The following IGF2BP2 variants were observed in gnomAD, a reference collection of about 807,000 sequenced individuals.
IGF2BP2 encodes insulin like growth factor 2 mRNA binding protein 2, also known as insulin-like growth factor 2 mRNA-binding protein 2.
IGF2BP2 carries 17 observed loss-of-function variants against 75.8 expected under a neutral mutation model. That is an observed-to-expected ratio of 0.22 (90% CI 0.15 to 0.34). IGF2BP2 has a LOEUF of 0.34. Among genes scored for constraint, IGF2BP2 ranks in the 10% least tolerant of loss-of-function variants. The probability of loss-of-function intolerance (pLI) is 1.00; values close to 1 mark genes in which losing one functional copy is unlikely to be tolerated. For synonymous variants in IGF2BP2, 288 were observed against 295.6 expected, an observed-to-expected ratio of 0.97 and a Z score of 0.26; for missense variants, 516 against 772.4, an observed-to-expected ratio of 0.67 and a Z score of 3.93.
In IGF2BP2 at chr3:185,670,447, T is replaced by C. The variant is rs531337901; in HGVS notation, c.1200+2094A>G. Among the ~76,000 whole-genome samples, 111 of 152,300 alleles carry C rather than the reference T, an allele frequency of 7.3e-4. 1 individual carries two copies. The highest frequency in any genetic ancestry group is 4.2e-3 in the Admixed American group (64 of 15,304). On this transcript the variant is annotated intron_variant, in intron 10 of 15. Coordinates refer to ENST00000382199, the MANE Select transcript of IGF2BP2 (RefSeq NM_006548.6). The stretch of plus-strand genomic sequence containing the variant: ...AGGGGGAAAGCAGGAATAGATAATA[T>C]GTATATAAACAGCCATGGCTGTGTC...
chr3:185,720,933 C>T (rs144575384), intron 2 of IGF2BP2, among the ~76,000 whole-genome samples: 2 of 152,270 alleles, frequency 1.3e-5, no homozygotes, highest in African/African-American at 4.8e-5. Context: ...CACAGGGAAA[C>T]GTCCTTCAAG....
chr3:185,655,704 C>T (rs773598608), intron 12 of IGF2BP2, among the ~76,000 whole-genome samples: 6 of 152,186 alleles, frequency 3.9e-5, no homozygotes, highest in African/African-American at 7.2e-5. Context: ...GCAGCCCATG[C>T]GACTGATCTC....
chr3:185,788,971 C>A (rs1736260412), intron 2 of IGF2BP2, among the ~76,000 whole-genome samples: 1 of 152,092 alleles, frequency 6.6e-6, no homozygotes. Context: ...CCTTTGCTTC[C>A]CAAAGTGCTG....
intron 2 of IGF2BP2, among the ~76,000 whole-genome samples, chr3:185,740,950 T>A (rs1019614901): frequency 1.3e-5 from 2 of 152,264 alleles, no homozygotes; most frequent in African/African-American, 4.8e-5. Context: ...CGATCTCGGC[T>A]CACTGCAACC....
At chr3:185,701,753 T>A (rs1297905681) in intron 2 of IGF2BP2, among the ~76,000 whole-genome samples, 1 of 152,154 alleles carries the variant, frequency 6.6e-6, no homozygotes, top group Non-Finnish European at 1.5e-5. Context: ...CAGATCAGGA[T>A]GGAAAGGAAG....
intron 2 of IGF2BP2, among the ~76,000 whole-genome samples, chr3:185,782,206 A>G (rs915147242): frequency 1.3e-5 from 2 of 152,192 alleles, no homozygotes; most frequent in African/African-American, 4.8e-5. Context: ...TCTTTGTGCC[A>G]GGAACTTAAT....
rs1166577608 is a variant in IGF2BP2, at chr3:185,732,069, C to G, written c.240-33722G>C. Among the ~76,000 whole-genome samples the G allele has an allele frequency of 3.9e-5, 6 of 152,176 alleles. No individual in the cohort carries two copies. In the East Asian group the frequency reaches 1.2e-3, roughly 29 times the overall value. Reference sequence around the variant, plus strand: ...TAGTCTTGTGCACTCGTTGTTCTCTCTGGTCCATCTGGGAAACTCCAACCC... The same window carrying G: ...TAGTCTTGTGCACTCGTTGTTCTCTGTGGTCCATCTGGGAAACTCCAACCC... On this transcript the variant is annotated intron_variant, in intron 2 of 15. Coordinates refer to ENST00000382199, the MANE Select transcript of IGF2BP2 (RefSeq NM_006548.6).
At chr3:185,810,043 C>A (rs569894218) in intron 2 of IGF2BP2, among the ~76,000 whole-genome samples, 109 of 152,334 alleles carry the variant, frequency 7.2e-4, no homozygotes, top group African/African-American at 2.5e-3. Context: ...AATTCCCAGG[C>A]TCCTGTGTGC....
intron 2 of IGF2BP2, among the ~76,000 whole-genome samples, chr3:185,758,526 C>T (rs554260469): frequency 1.3e-5 from 2 of 152,236 alleles, no homozygotes; most frequent in South Asian, 2.1e-4. Context: ...GTACATGGCA[C>T]GGAGTAGATG....
intron 2 of IGF2BP2, among the ~76,000 whole-genome samples, chr3:185,699,321 T>C (rs1338039759): frequency 2.6e-5 from 4 of 152,150 alleles, no homozygotes; most frequent in African/African-American, 9.7e-5. Flanking sequence ...TCAAAATATA[T>C]TGGCCTGCAA....
At chr3:185,798,201 GA>G (rs977786663) in intron 2 of IGF2BP2, among the ~76,000 whole-genome samples, 2 of 151,126 alleles carry the variant, frequency 1.3e-5, no homozygotes, top group South Asian at 2.1e-4. Context: ...TGCCTCAAGA[GA>G]AAAAAAAATT....
At chr3:185,704,657 C>G (rs1193006089) in intron 2 of IGF2BP2, among the ~76,000 whole-genome samples, 1 of 152,126 alleles carries the variant, frequency 6.6e-6, no homozygotes, top group Non-Finnish European at 1.5e-5. Context: ...GACATATTGC[C>G]TAGGCTGGTT....
At chr3:185,711,577 C>T (rs1724802358) in intron 2 of IGF2BP2, among the ~76,000 whole-genome samples, 1 of 152,210 alleles carries the variant, frequency 6.6e-6, no homozygotes, top group South Asian at 2.1e-4. Flanking sequence ...CAGGCTCCAG[C>T]AGGACCCACC....
chr3:185,645,714 G>T lies in IGF2BP2; in HGVS notation c.1708-91C>A. Reference sequence around the variant, plus strand: ...ACGGCAGGGGAGGCTCTGGGGCTTGGGGATGAAGGGTGGAATGCTCAGACA... The same window carrying T: ...ACGGCAGGGGAGGCTCTGGGGCTTGTGGATGAAGGGTGGAATGCTCAGACA... On this transcript the variant is annotated intron_variant, in intron 15 of 15. Coordinates refer to ENST00000382199, the MANE Select transcript of IGF2BP2 (RefSeq NM_006548.6). The surrounding 1 kb of genome is among the most constrained non-coding windows in gnomAD (Gnocchi z 4.9). 1.1e-6 allele frequency: 1 copy of T among 895,196 alleles called. No homozygotes were observed. The highest frequency in any genetic ancestry group is 1.9e-5 in the Admixed American group (1 of 53,076). The allele number at this position is 895,196 out of a possible 1,614,324, so 55.5% of individuals were successfully genotyped here. A position where few individuals can be genotyped will look rare whatever the true frequency, so the allele number is the denominator to read the frequency against.
intron 2 of IGF2BP2, among the ~76,000 whole-genome samples, chr3:185,822,047 G>T (rs1450416382): frequency 6.6e-6 from 1 of 151,562 alleles, no homozygotes; most frequent in East Asian, 1.9e-4. Context: ...ATGCCACAGA[G>T]ATTATTTGCA....
chr3:185,822,821 TTGC>T (rs1016127007), intron 2 of IGF2BP2, among the ~76,000 whole-genome samples: 2 of 151,734 alleles, frequency 1.3e-5, no homozygotes, highest in African/African-American at 4.8e-5. Flanking sequence ...TGACAAGCAT[TTGC>T]TGCTATTCTG....
chr3:185,647,160 C>T lies in IGF2BP2; in HGVS notation c.1594-22G>A, dbSNP rs375226923. 1.6e-5 allele frequency: 25 copies of T among 1,569,404 alleles called. No individual in the cohort carries two copies. In the Admixed American group the frequency reaches 3.0e-4, roughly 19 times the overall value. On this transcript the variant is annotated intron_variant, in intron 14 of 15. Transcript: ENST00000382199. This position sits in a 1 kb window ranked among gnomAD's most constrained non-coding sequence, Gnocchi z 4.9. ...TCACCTGTGAAGGGAGAAACGGCAACGGGTTGGATAGGTTCCCTCCCCGTC... is the reference window on the plus strand; with the variant it reads ...TCACCTGTGAAGGGAGAAACGGCAATGGGTTGGATAGGTTCCCTCCCCGTC...
chr3:185,776,957 A>C (rs1734607033), intron 2 of IGF2BP2, among the ~76,000 whole-genome samples: 1 of 152,226 alleles, frequency 6.6e-6, no homozygotes, highest in African/African-American at 2.4e-5. Context: ...AGGAAATTAG[A>C]TTAGGAGGTC....
chr3:185,689,946 C>T (rs1409451498), intron 5 of IGF2BP2, among the ~76,000 whole-genome samples: 2 of 132,032 alleles, frequency 1.5e-5, no homozygotes, highest in Admixed American at 8.2e-5. Flanking sequence ...CCAGCCTGGG[C>T]GACAGAGCGA....
Sources: allele counts gnomAD v4.1 joint callset (sites outside exome capture counted in the v4.1 genomes callset), GRCh38; gene constraint gnomAD v4.1.1; non-coding constraint Gnocchi (gnomAD v3.1); transcripts MANE v1.5; gene names NCBI Gene and HGNC (gene_info 2026-07-23, HGNC 2026-07-21).